Variants in CATSPERT observed in about 807,000 individuals in gnomAD.
The protein encoded by CATSPERT is cation channel sperm-associated targeting subunit tau.
chr2:201,492,234 AG>A, the CATSPERT span: 6 of 1,518,872 alleles, frequency 4.0e-6, no homozygotes, highest in Middle Eastern at 3.4e-4. Flanking sequence ...CATCTCTAAA[AG>A]GTAAATGTGT....
chr2:201,557,004 A>G, the CATSPERT span: 2 of 152,126 alleles, frequency 1.3e-5, no homozygotes, highest in African/African-American at 2.4e-5. Flanking sequence ...AAAAACTTCT[A>G]CATCATATGC....
At chr2:201,494,507 C>A in the CATSPERT span, 3 of 1,536,688 alleles carry the variant, frequency 2.0e-6, no homozygotes, top group African/African-American at 2.7e-5. Context: ...ATAGTAGGAT[C>A]AGGGGCTAAC....
the CATSPERT span, among the ~76,000 whole-genome samples, chr2:201,562,261 C>T: frequency 6.8e-6 from 1 of 146,786 alleles, no homozygotes; most frequent in Non-Finnish European, 1.5e-5. Flanking sequence ...GATCTCGGCT[C>T]ACTGAAACCT....
At chr2:201,557,716 G>C in the CATSPERT span, 1 of 152,172 alleles carries the variant, frequency 6.6e-6, no homozygotes, top group Non-Finnish European at 1.5e-5. Context: ...CTTAGGTGCT[G>C]TTAACACTTT....
the CATSPERT span, among the ~76,000 whole-genome samples, chr2:201,593,488 T>C: frequency 7.1e-6 from 1 of 140,644 alleles, no homozygotes; most frequent in East Asian, 2.1e-4. Context: ...TCTGTAGATG[T>C]CTATTAGGTC....
At chr2:201,585,300 G>A in the CATSPERT span, among the ~76,000 whole-genome samples, 1 of 151,534 alleles carries the variant, frequency 6.6e-6, no homozygotes, top group Non-Finnish European at 1.5e-5. Flanking sequence ...GGTATGATGG[G>A]TGCAGCAAAC....
chr2:201,593,358 A>T, the CATSPERT span, among the ~76,000 whole-genome samples: 2 of 151,452 alleles, frequency 1.3e-5, no homozygotes, highest in Non-Finnish European at 2.9e-5. Context: ...AGTTTGTTAT[A>T]ATTTCTGTTC....
the CATSPERT span, chr2:201,572,024 A>G: frequency 2.6e-5 from 42 of 1,604,844 alleles, no homozygotes; most frequent in Admixed American, 2.3e-4. Context: ...GTTTTAACTG[A>G]AAAAAATGTA....
chr2:201,574,551 G>A, the CATSPERT span, among the ~76,000 whole-genome samples: 17 of 152,124 alleles, frequency 1.1e-4, no homozygotes, highest in Non-Finnish European at 2.4e-4. Context: ...ACACTGAGAT[G>A]CTGACATACA....
the CATSPERT span, among the ~76,000 whole-genome samples, chr2:201,501,899 GACCCAGTTATCTGTGGAT>G: frequency 6.6e-6 from 1 of 152,186 alleles, no homozygotes; most frequent in Non-Finnish European, 1.5e-5. Flanking sequence ...TTAATCTCTT[GACCCAGTTATCTGTGGAT>G]TTTTAGTCCC....
At chr2:201,586,662 A>T in the CATSPERT span, among the ~76,000 whole-genome samples, 1 of 152,114 alleles carries the variant, frequency 6.6e-6, no homozygotes, top group South Asian at 2.1e-4. Context: ...TTTTTAGCAT[A>T]GAGTTATATA....
chr2:201,496,127 C>CATATA, the CATSPERT span, among the ~76,000 whole-genome samples: 43,289 of 151,328 alleles, frequency 0.29, 6,490 homozygotes, highest in Admixed American at 0.38. Flanking sequence ...AATCTATATA[C>CATATA]ATATTATATA....
At chr2:201,525,534 A>C in the CATSPERT span, among the ~76,000 whole-genome samples, 1 of 152,296 alleles carries the variant, frequency 6.6e-6, no homozygotes, top group South Asian at 2.1e-4. Flanking sequence ...CTAATGTCAC[A>C]GGAAGCAGAA....
the CATSPERT span, chr2:201,604,645 T>C: frequency 6.2e-7 from 1 of 1,605,144 alleles, no homozygotes; most frequent in Non-Finnish European, 8.5e-7. Flanking sequence ...TGGCGTCTCC[T>C]GTGTTATTTC....
chr2:201,615,037 A>G, the CATSPERT span, among the ~76,000 whole-genome samples: 4 of 152,222 alleles, frequency 2.6e-5, no homozygotes, highest in African/African-American at 9.6e-5. Context: ...CCAATATAGG[A>G]GCACCCAGAT....
chr2:201,565,530 C>T, the CATSPERT span, among the ~76,000 whole-genome samples: 1 of 151,966 alleles, frequency 6.6e-6, no homozygotes, highest in Non-Finnish European at 1.5e-5. Flanking sequence ...TGGCATAACA[C>T]TTTTTCAAAC....
At chr2:201,617,556 T>C in the CATSPERT span, among the ~76,000 whole-genome samples, 1 of 152,170 alleles carries the variant, frequency 6.6e-6, no homozygotes, top group African/African-American at 2.4e-5. Context: ...CAAAAATTAA[T>C]TCAAGATGGA....
chr2:201,610,184 G>T, the CATSPERT span, among the ~76,000 whole-genome samples: 1 of 152,180 alleles, frequency 6.6e-6, no homozygotes, highest in Non-Finnish European at 1.5e-5. Flanking sequence ...GCTAGGCACG[G>T]TGGCTCATGC....
the CATSPERT span, among the ~76,000 whole-genome samples, chr2:201,522,484 G>A: frequency 2.0e-5 from 3 of 152,068 alleles, no homozygotes; most frequent in Admixed American, 2.0e-4. Flanking sequence ...TGCAGACTCT[G>A]GTTGAAGTGG....
Sources: allele counts gnomAD v4.1 joint callset (sites outside exome capture counted in the v4.1 genomes callset), GRCh38; gene constraint gnomAD v4.1.1; transcripts MANE v1.5; gene names NCBI Gene and HGNC (gene_info 2026-07-23, HGNC 2026-07-21).